ROBO2: variants seen among roughly 807,000 people sequenced by gnomAD.
ROBO2 encodes roundabout homolog 2.
ROBO2 carries 53 observed loss-of-function variants against 160.8 expected under a neutral mutation model. That is an observed-to-expected ratio of 0.33 (90% CI 0.26 to 0.41). ROBO2 has a LOEUF of 0.41. Ranked by LOEUF, ROBO2 falls within the 10% of genes least tolerant of loss-of-function variation. The pLI is 1.00. For missense variants in ROBO2, 1,577 were observed against 1,722.4 expected (o/e 0.92, Z 1.49); for synonymous variants, 664 against 611.7 (o/e 1.09, Z -1.26).
chr3:77,054,199 C>T (rs2065493224), intron 1 of ROBO2, among the ~76,000 whole-genome samples: 1 of 152,118 alleles, frequency 6.6e-6, no homozygotes, highest in South Asian at 2.1e-4. Context: ...ATCTTCAAAA[C>T]CAAGACCAAA....
chr3:76,668,720 A>G (rs1310077981), intron 2 of ROBO2, among the ~76,000 whole-genome samples: 1 of 147,484 alleles, frequency 6.8e-6, no homozygotes, highest in Non-Finnish European at 1.5e-5. Context: ...TTAAATTCAG[A>G]CTAGGTTGGA....
intron 2 of ROBO2, among the ~76,000 whole-genome samples, chr3:76,857,945 T>A (rs1474524065): frequency 6.6e-6 from 1 of 152,082 alleles, no homozygotes; most frequent in Non-Finnish European, 1.5e-5. Context: ...AAGTTCCCGA[T>A]TCCCTCTTCC....
chr3:76,525,254 T>G (rs2081888324), intron 2 of ROBO2, among the ~76,000 whole-genome samples: 2 of 151,794 alleles, frequency 1.3e-5, no homozygotes, highest in South Asian at 4.1e-4. Flanking sequence ...AAAAAATAAT[T>G]GAAATAAATA....
rs76717302 is a variant in ROBO2, at chr3:77,595,515, C to T, written c.2726+331C>T. On this transcript the variant is annotated intron_variant, in intron 18 of 25. Coordinates refer to ENST00000461745, the Ensembl canonical transcript of ROBO2. ...GTTTAAGACTCCTTATAGGCTCTCA[C>T]TAAATTGCTGTGAGTGAACAATTAC... Among the ~76,000 whole-genome samples, 3 of 152,266 alleles carry T rather than the reference C, an allele frequency of 2.0e-5. No homozygotes were observed. In the East Asian group the frequency reaches 5.8e-4, roughly 29 times the overall value.
Position 77,294,147 on chromosome 3 carries a change from A to T in ROBO2, c.389-183267A>T, listed in dbSNP as rs1449723187. Among the ~76,000 whole-genome samples the T allele has an allele frequency of 8.3e-5, 12 of 144,480 alleles. 1 individual carries two copies. Among genetic ancestry groups the T allele is most frequent in the African/African-American group, 2.6e-4 (10 of 38,116 alleles). The allele number at this position is 144,480 out of a possible 152,430, so 94.8% of individuals were successfully genotyped here. ...TCACCCCAGACATAAAGTAAAATTG[A>T]TGGTTAAACGGGTAAGCTGAGGCTA... On this transcript the variant is annotated intron_variant, in intron 2 of 25. Transcript: ENST00000461745.
intron 2 of ROBO2, among the ~76,000 whole-genome samples, chr3:76,123,772 T>C (rs1320134410): frequency 1.3e-5 from 2 of 152,152 alleles, no homozygotes; most frequent in Non-Finnish European, 2.9e-5. Context: ...CACTCTCTGG[T>C]GTATTAGCTT....
At chr3:76,480,856 T>G (rs1311246909) in intron 2 of ROBO2, among the ~76,000 whole-genome samples, 1 of 152,198 alleles carries the variant, frequency 6.6e-6, no homozygotes, top group African/African-American at 2.4e-5. Context: ...TGAAACATTC[T>G]CAATAAGAAC....
At chr3:76,566,422 T>C (rs1221245591) in intron 2 of ROBO2, among the ~76,000 whole-genome samples, 1 of 152,172 alleles carries the variant, frequency 6.6e-6, no homozygotes, top group Non-Finnish European at 1.5e-5. Flanking sequence ...CGGGCTTCTG[T>C]GTCCCTTAGG....
intron 2 of ROBO2, among the ~76,000 whole-genome samples, chr3:75,967,442 A>G (rs889446197): frequency 1.3e-5 from 2 of 151,572 alleles, no homozygotes; most frequent in Non-Finnish European, 3.0e-5. Flanking sequence ...AAATAATTCT[A>G]GGTGTCCCTA....
intron 2 of ROBO2, among the ~76,000 whole-genome samples, chr3:76,183,606 C>G (rs17788021): frequency 0.3 from 45,204 of 151,978 alleles, 8,411 homozygotes; most frequent in Non-Finnish European, 0.41. Context: ...ATATTACATG[C>G]AGGCACTCTT....
At chr3:76,968,061 T>A (rs2149269016) in intron 2 of ROBO2, among the ~76,000 whole-genome samples, 1 of 152,294 alleles carries the variant, frequency 6.6e-6, no homozygotes, top group Admixed American at 6.5e-5. Flanking sequence ...TTTTTTGATA[T>A]TTGGAGTGAA....
At chr3:76,308,527 G>A (rs935549907) in intron 2 of ROBO2, among the ~76,000 whole-genome samples, 4 of 152,168 alleles carry the variant, frequency 2.6e-5, no homozygotes, top group Non-Finnish European at 4.4e-5. Flanking sequence ...TAATATTAAC[G>A]TAGATGGGAA....
chr3:76,734,740 G>T (rs1032814416), intron 2 of ROBO2, among the ~76,000 whole-genome samples: 1 of 152,072 alleles, frequency 6.6e-6, no homozygotes, highest in African/African-American at 2.4e-5. Flanking sequence ...ACTAGCATTT[G>T]GCAGTTTTAA....
Position 76,939,530 on chromosome 3 carries a change from C to T in ROBO2, c.110-158484C>T, listed in dbSNP as rs1166092136. ...TCTAAGCCAGGCGCAGTGGCTCACA[C>T]CTGTAATCCCAGCACTTTGGGAGGC... On this transcript the variant is annotated intron_variant, in intron 2 of 26. Transcript: ENST00000487694. 2.0e-5 allele frequency among the ~76,000 whole-genome samples: 3 copies of T among 152,188 alleles called. No individual in the cohort carries two copies. In the East Asian group the frequency reaches 5.8e-4, roughly 29 times the overall value.
intron 2 of ROBO2, among the ~76,000 whole-genome samples, chr3:76,269,429 C>A: frequency 6.6e-6 from 1 of 152,112 alleles, no homozygotes; most frequent in East Asian, 1.9e-4. Flanking sequence ...CTTTTTCCTT[C>A]TGAATGTTCA....
chr3:76,479,791 G>C (rs2107293562), intron 2 of ROBO2, among the ~76,000 whole-genome samples: 1 of 152,182 alleles, frequency 6.6e-6, no homozygotes, highest in South Asian at 2.1e-4. Flanking sequence ...ACTTGCCCAG[G>C]GTCTCACCTT....
chr3:76,872,393 A>T (rs1235243911), intron 2 of ROBO2, among the ~76,000 whole-genome samples: 2 of 151,774 alleles, frequency 1.3e-5, no homozygotes, highest in Non-Finnish European at 2.9e-5. Context: ...TAACACTCAA[A>T]TTTTTTTTGT....
chr3:76,215,479 C>T (rs905592888), intron 2 of ROBO2, among the ~76,000 whole-genome samples: 1 of 152,128 alleles, frequency 6.6e-6, no homozygotes, highest in Non-Finnish European at 1.5e-5. Context: ...CCTGATGGAG[C>T]TAAAAATCAG....
At chr3:77,106,279 G>T (rs1304272471) in intron 2 of ROBO2, among the ~76,000 whole-genome samples, 1 of 152,138 alleles carries the variant, frequency 6.6e-6, no homozygotes, top group Non-Finnish European at 1.5e-5. Context: ...TTGGCCTCAA[G>T]CAATCCTCTC....
Sources: gnomAD v4.1 joint callset for allele counts (sites outside exome capture counted in the v4.1 genomes callset) on GRCh38, gnomAD v4.1.1 for gene constraint, MANE v1.5 for transcripts, NCBI Gene and HGNC (gene_info 2026-07-23, HGNC 2026-07-21) for gene names.